MAPRE2: variants seen among roughly 807,000 people sequenced by gnomAD.
MAPRE2 encodes the protein microtubule associated protein RP/EB family member 2.
Under a neutral mutation model 43.2 loss-of-function variants are expected in MAPRE2, and 13 were observed. The ratio of observed to expected loss-of-function variants is 0.30; its 90% CI spans 0.20 to 0.48. MAPRE2 has a LOEUF of 0.48. MAPRE2 is among the 20% of genes least tolerant of loss of function. The probability of loss-of-function intolerance (pLI) is 0.99; values close to 1 mark genes in which losing one functional copy is unlikely to be tolerated. For missense variants in MAPRE2, 161 were observed against 400.2 expected (o/e 0.40, Z 5.10); for synonymous variants, 135 against 148.8 (o/e 0.91, Z 0.68).
Position 35,097,556 on chromosome 18 carries a change from C to G in MAPRE2, c.361C>G (p.Leu121Val). Residue 121 changes from leucine (L) to valine (V), a missense_variant, in exon 3 of 7, where the codon CTG (leucine) becomes GTG (valine). This residue lies in a region of MAPRE2 where 65 missense variants were observed against 246.9 expected (regional missense o/e 0.26). Coordinates refer to ENST00000300249, the MANE Select transcript of MAPRE2 (RefSeq NM_014268.4). ...TGAATATATTCACAATTTTAAACTT[C>G]TGCAAGCATCATTTAAGCGAATGAA... ...EHEYIHNFKLLQASFKRMNVD... is the reference protein window; with the variant it reads ...EHEYIHNFKLVQASFKRMNVD... 1 of 1,613,574 alleles carries G rather than the reference C, an allele frequency of 6.2e-7. No individual in the cohort carries two copies. The highest frequency in any genetic ancestry group is 8.5e-7 in the Non-Finnish European group (1 of 1,179,744).
intron 4 of MAPRE2, among the ~76,000 whole-genome samples, chr18:35,104,708 T>C (rs778175196): frequency 2.0e-5 from 3 of 152,142 alleles, no homozygotes; most frequent in Non-Finnish European, 4.4e-5. Flanking sequence ...CAAACATTGA[T>C]GGCAGTTTAG....
chr18:35,004,204 TA>T (rs983982978), intron 1 of MAPRE2, among the ~76,000 whole-genome samples: 1 of 152,106 alleles, frequency 6.6e-6, no homozygotes, highest in Non-Finnish European at 1.5e-5. Context: ...CCCTTTTAAT[TA>T]AAAAAAATAA....
intron 2 of MAPRE2, among the ~76,000 whole-genome samples, chr18:35,017,752 A>G (rs2097039355): frequency 6.6e-6 from 1 of 151,724 alleles, no homozygotes; most frequent in Admixed American, 6.6e-5. Context: ...TTCTAGGTGT[A>G]GAATTTTTAT....
At chr18:35,111,163 A>T (rs1909157665) in intron 4 of MAPRE2, among the ~76,000 whole-genome samples, 1 of 152,016 alleles carries the variant, frequency 6.6e-6, no homozygotes, top group South Asian at 2.1e-4. Flanking sequence ...TTTAGATTAG[A>T]TGGTTTCTGT....
chr18:35,109,824 T>A (rs475699), intron 4 of MAPRE2, among the ~76,000 whole-genome samples: 26,144 of 152,096 alleles, frequency 0.17, 2,504 homozygotes, highest in East Asian at 0.29. Flanking sequence ...TATAATTATG[T>A]AATTATTGAT....
intron 1 of MAPRE2, among the ~76,000 whole-genome samples, chr18:35,057,779 T>C (rs558306011): frequency 4.6e-4 from 70 of 152,284 alleles, no homozygotes; most frequent in African/African-American, 1.6e-3. Context: ...ATCCATTCTC[T>C]GGCTGAAATG....
Position 35,140,394 on chromosome 18 carries a change from TC to T in MAPRE2, c.*27del. 1.9e-6 allele frequency: 3 copies of T among 1,591,670 alleles called. No individual in the cohort carries two copies. Among genetic ancestry groups the T allele is most frequent in the Non-Finnish European group, 2.6e-6 (3 of 1,167,974 alleles). ...ACCCACCCCGGCTGCTCTTGACACT[TC>T]CATTGTGTGTGGGAACGTTTCTTCT... On this transcript the variant is annotated 3_prime_UTR_variant, in exon 7 of 7. Coordinates refer to ENST00000300249, the MANE Select transcript of MAPRE2 (RefSeq NM_014268.4).
intron 2 of MAPRE2, among the ~76,000 whole-genome samples, chr18:35,014,121 A>G (rs1040146159): frequency 4.6e-5 from 7 of 152,102 alleles, no homozygotes; most frequent in African/African-American, 1.2e-4. Context: ...CTTTAGGTAA[A>G]TATGTAGGTT....
At chr18:35,030,142 T>C (rs918389533) in intron 2 of MAPRE2, among the ~76,000 whole-genome samples, 1 of 152,180 alleles carries the variant, frequency 6.6e-6, no homozygotes, top group Non-Finnish European at 1.5e-5. Flanking sequence ...CCTCCCTTTT[T>C]CTTAACCATA....
intron 1 of MAPRE2, among the ~76,000 whole-genome samples, chr18:35,053,245 A>G (rs892965704): frequency 6.6e-6 from 1 of 151,922 alleles, no homozygotes. Context: ...AATACAAAAA[A>G]TAGCTGGGAG....
chr18:35,034,832 G>T (rs1371869998), intron 2 of MAPRE2, among the ~76,000 whole-genome samples: 1 of 152,190 alleles, frequency 6.6e-6, no homozygotes, highest in African/African-American at 2.4e-5. Context: ...ACGCCAGTTA[G>T]AATGGCAATC....
intron 2 of MAPRE2, among the ~76,000 whole-genome samples, chr18:35,095,404 A>ACACACACG: frequency 6.8e-6 from 1 of 147,198 alleles, no homozygotes; most frequent in Non-Finnish European, 1.5e-5. Context: ...ACACACACGC[A>ACACACACG]CACACACACT....
At chr18:35,021,771 G>T (rs1273940601) in intron 2 of MAPRE2, among the ~76,000 whole-genome samples, 1 of 152,028 alleles carries the variant, frequency 6.6e-6, no homozygotes, top group Non-Finnish European at 1.5e-5. Context: ...GATCTAAATG[G>T]CCTGGCATTC....
chr18:35,007,243 C>T (rs2097032279), intron 2 of MAPRE2, among the ~76,000 whole-genome samples: 1 of 152,158 alleles, frequency 6.6e-6, no homozygotes, highest in Admixed American at 6.5e-5. Flanking sequence ...TGGTTCAAGT[C>T]TGTGTTCCTG....
chr18:35,061,462 T>TG (rs1906523521), intron 1 of MAPRE2, among the ~76,000 whole-genome samples: 1 of 152,220 alleles, frequency 6.6e-6, no homozygotes, highest in Non-Finnish European at 1.5e-5. Context: ...CTCACACCCC[T>TG]GCCACATGGA....
chr18:35,110,478 C>G (rs1214544629), intron 4 of MAPRE2, among the ~76,000 whole-genome samples: 1 of 152,048 alleles, frequency 6.6e-6, no homozygotes, highest in Non-Finnish European at 1.5e-5. Flanking sequence ...TTTAAACAGT[C>G]ATATCTATTG....
At chr18:35,048,735 A>G (rs1182249637) in intron 1 of MAPRE2, among the ~76,000 whole-genome samples, 2 of 149,510 alleles carry the variant, frequency 1.3e-5, no homozygotes, top group Non-Finnish European at 3.0e-5. Context: ...ATATGTGTTA[A>G]TACTATAACA....
intron 4 of MAPRE2, among the ~76,000 whole-genome samples, chr18:35,113,803 G>A (rs938040703): frequency 3.9e-5 from 6 of 152,114 alleles, no homozygotes; most frequent in African/African-American, 1.4e-4. Flanking sequence ...TGAGGTGGGA[G>A]GATCACTTGA....
chr18:35,033,512 G>A (rs1198576710), intron 2 of MAPRE2, among the ~76,000 whole-genome samples: 1 of 151,378 alleles, frequency 6.6e-6, no homozygotes, highest in African/African-American at 2.4e-5. Context: ...TTCTGGCCAG[G>A]GCAATTAGGC....
Sources: gnomAD v4.1 joint callset for allele counts (sites outside exome capture counted in the v4.1 genomes callset) on GRCh38, gnomAD v4.1.1 for gene constraint, gnomAD v4.1.1 regional missense constraint, MANE v1.5 for transcripts, NCBI Gene and HGNC (gene_info 2026-07-23, HGNC 2026-07-21) for gene names.